The following CA10 variants were observed in gnomAD, a reference collection of about 807,000 sequenced individuals.
The protein encoded by CA10 is carbonic anhydrase 10 (inactive).
CA10 carries 14 observed loss-of-function variants against 44.2 expected under a neutral mutation model. The observed-to-expected ratio is 0.32, with a 90% confidence interval of 0.21 to 0.50. The LOEUF (loss-of-function observed/expected upper bound fraction) is 0.50, where lower values mean the gene tolerates loss of function less well. Among genes scored for constraint, CA10 ranks in the 20% least tolerant of loss-of-function variants. The pLI is 0.99. For synonymous variants in CA10, 159 were observed against 141.6 expected (o/e 1.12, Z -0.87); for missense variants, 350 against 409.7 (o/e 0.85, Z 1.26).
chr17:51,931,246 C>T, intron 2 of CA10, 114 bp from the exon 3 acceptor site: 1 of 1,017,626 alleles, frequency 9.8e-7, no homozygotes, highest in Non-Finnish European at 1.5e-6. Flanking sequence ...CCAAATGTTC[C>T]CACCCATGGA....
At chr17:51,991,768 C>T (rs867826885) in intron 2 of CA10, among the ~76,000 whole-genome samples, 2 of 152,122 alleles carry the variant, frequency 1.3e-5, no homozygotes, top group African/African-American at 2.4e-5. Flanking sequence ...GAGATCACGC[C>T]ACTGCACTCC....
intron 3 of CA10, among the ~76,000 whole-genome samples, chr17:51,757,759 T>C (rs1191703168): frequency 6.6e-6 from 1 of 152,232 alleles, no homozygotes; most frequent in Non-Finnish European, 1.5e-5. Flanking sequence ...TGTCCAGATG[T>C]TTTATGCTAT....
chr17:52,077,974 C>A (rs1987860765), intron 1 of CA10, among the ~76,000 whole-genome samples: 1 of 152,130 alleles, frequency 6.6e-6, no homozygotes, highest in Non-Finnish European at 1.5e-5. Context: ...TATGGGCCTG[C>A]CAACCAACTT....
At chr17:52,099,498 T>C (rs1988486204) in intron 1 of CA10, among the ~76,000 whole-genome samples, 1 of 152,150 alleles carries the variant, frequency 6.6e-6, no homozygotes, top group South Asian at 2.1e-4. Flanking sequence ...CAGTTGGCTG[T>C]TGGGGTCACT....
intron 2 of CA10, among the ~76,000 whole-genome samples, chr17:51,979,679 T>C (rs1984585242): frequency 1.3e-5 from 2 of 152,162 alleles, no homozygotes; most frequent in African/African-American, 4.8e-5. Flanking sequence ...CTCTGTCTCC[T>C]GAGTTCAATA....
chr17:51,994,779 A>G (rs1985170030), intron 2 of CA10, among the ~76,000 whole-genome samples: 2 of 152,064 alleles, frequency 1.3e-5, no homozygotes, highest in East Asian at 1.9e-4. Flanking sequence ...AAGTTACTCA[A>G]GTATGGACTT....
At chr17:51,738,420 A>T (rs1436316922) in intron 4 of CA10, among the ~76,000 whole-genome samples, 1 of 152,112 alleles carries the variant, frequency 6.6e-6, no homozygotes, top group African/African-American at 2.4e-5. Flanking sequence ...GGCGGGGGAG[A>T]TTTAAACTGC....
intron 2 of CA10, among the ~76,000 whole-genome samples, chr17:51,972,517 T>G (rs763169180): frequency 2.0e-5 from 3 of 152,040 alleles, no homozygotes; most frequent in African/African-American, 7.2e-5. Flanking sequence ...ACCATTGATA[T>G]AGAGATTCGT....
At chr17:51,703,886 G>T (rs957107528) in intron 4 of CA10, among the ~76,000 whole-genome samples, 4 of 152,132 alleles carry the variant, frequency 2.6e-5, no homozygotes, top group Non-Finnish European at 5.9e-5. Flanking sequence ...CCAAACAACT[G>T]CAGTAAGTTT....
At chr17:51,645,888 G>C (rs933431597) in intron 6 of CA10, among the ~76,000 whole-genome samples, 1 of 152,144 alleles carries the variant, frequency 6.6e-6, no homozygotes, top group African/African-American at 2.4e-5. Context: ...GGCTTGCTTT[G>C]GCTTGTGGAA....
intron 2 of CA10, among the ~76,000 whole-genome samples, chr17:51,998,263 C>A (rs1363604485): frequency 6.6e-6 from 1 of 152,016 alleles, no homozygotes; most frequent in Non-Finnish European, 1.5e-5. Context: ...AATGAAGGAA[C>A]AATGAAAGTA....
intron 3 of CA10, among the ~76,000 whole-genome samples, chr17:51,873,471 AG>A (rs1979910620): frequency 6.6e-6 from 1 of 152,176 alleles, no homozygotes; most frequent in South Asian, 2.1e-4. Context: ...AGGACCTGGG[AG>A]GCAAAAAACT....
At chr17:52,025,504 A>G (rs1299239318) in intron 2 of CA10, among the ~76,000 whole-genome samples, 1 of 152,126 alleles carries the variant, frequency 6.6e-6, no homozygotes, top group Non-Finnish European at 1.5e-5. Context: ...AAATATTGAT[A>G]ATAGAAAGCA....
chr17:51,974,012 T>G (rs1037756912), intron 2 of CA10, among the ~76,000 whole-genome samples: 3 of 152,190 alleles, frequency 2.0e-5, no homozygotes, highest in Non-Finnish European at 4.4e-5. Context: ...ATTTCCTTGA[T>G]GAGATTATAT....
intron 2 of CA10, among the ~76,000 whole-genome samples, chr17:51,939,448 G>A (rs1388331005): frequency 2.0e-5 from 3 of 152,022 alleles, no homozygotes; most frequent in Non-Finnish European, 2.9e-5. Context: ...TTCAGTCAAG[G>A]TAGGCACATG....
At chr17:51,807,564 G>A (rs1024530715) in intron 3 of CA10, among the ~76,000 whole-genome samples, 3 of 152,154 alleles carry the variant, frequency 2.0e-5, no homozygotes, top group African/African-American at 7.2e-5. Context: ...ACATAAAAAT[G>A]TTCATGCCAC....
chr17:51,926,799 A>T (rs577287656), intron 3 of CA10, among the ~76,000 whole-genome samples: 1 of 152,182 alleles, frequency 6.6e-6, no homozygotes, highest in Non-Finnish European at 1.5e-5. Context: ...CCTATATTTA[A>T]TCATATCTTC....
chr17:51,640,645 G>T (rs1379117764), intron 6 of CA10, among the ~76,000 whole-genome samples: 1 of 152,132 alleles, frequency 6.6e-6, no homozygotes, highest in Non-Finnish European at 1.5e-5. Context: ...AGCTTGCTTT[G>T]TATGTTTGAT....
intron 2 of CA10, among the ~76,000 whole-genome samples, chr17:51,981,949 G>A (rs1279819831): frequency 6.6e-6 from 1 of 151,990 alleles, no homozygotes; most frequent in Non-Finnish European, 1.5e-5. Flanking sequence ...ATTTTCTACA[G>A]TAAGCCCAAC....
Sources: allele counts gnomAD v4.1 joint callset (sites outside exome capture counted in the v4.1 genomes callset), GRCh38; gene constraint gnomAD v4.1.1; transcripts MANE v1.5; gene names NCBI Gene and HGNC (gene_info 2026-07-23, HGNC 2026-07-21).